Variants in GABBR2 observed in about 807,000 individuals in gnomAD.
GABBR2 encodes gamma-aminobutyric acid type B receptor subunit 2.
In GABBR2, 23 loss-of-function variants were observed where a neutral mutation model predicts 105.6. The ratio of observed to expected loss-of-function variants is 0.22; its 90% CI spans 0.16 to 0.31. GABBR2 has a LOEUF of 0.31. Ranked by LOEUF, GABBR2 falls within the 10% of genes least tolerant of loss-of-function variation. The pLI is 1.00. For synonymous variants in GABBR2, 478 were observed against 499.7 expected, an observed-to-expected ratio of 0.96 and a Z score of 0.58; for missense variants, 734 against 1,245.5, an observed-to-expected ratio of 0.59 and a Z score of 6.18.
At chr9:98,312,376 C>T (rs1830649364) in intron 13 of GABBR2, among the ~76,000 whole-genome samples, 1 of 152,164 alleles carries the variant, frequency 6.6e-6, no homozygotes, top group Non-Finnish European at 1.5e-5. Context: ...TTGGATTAGC[C>T]TGAATGTTTT....
intron 2 of GABBR2, among the ~76,000 whole-genome samples, chr9:98,555,303 A>G (rs1382566517): frequency 6.6e-6 from 1 of 152,260 alleles, no homozygotes; most frequent in Non-Finnish European, 1.5e-5. Context: ...GGATTTGCTC[A>G]AACTCAAGTG....
At chr9:98,582,320 C>T (rs375318453) in intron 1 of GABBR2, among the ~76,000 whole-genome samples, 56 of 152,138 alleles carry the variant, frequency 3.7e-4, no homozygotes, top group African/African-American at 1.3e-3. Flanking sequence ...AAGAGGTCCA[C>T]GTGTCAAGAA....
At chr9:98,291,880 C>A (rs1830308230) in intron 18 of GABBR2, among the ~76,000 whole-genome samples, 1 of 152,204 alleles carries the variant, frequency 6.6e-6, no homozygotes, top group African/African-American at 2.4e-5. Flanking sequence ...CTAAGCAGAA[C>A]CCTAGGTAAA....
rs57747633 is a variant in GABBR2 at position 98,465,121 on chromosome 9, T to TAAAAAAAAAAAAAAAAAAAAA, written c.999+8004_999+8024dup. On this transcript the variant is annotated intron_variant, in intron 6 of 18. Transcript: ENST00000259455. Reference sequence around the variant, plus strand: ...ACACCCAAGAATGATCAATAAATACTAAAAAAAAAAAAAAAAAAAAAAAAA... The same window carrying TAAAAAAAAAAAAAAAAAAAAA: ...ACACCCAAGAATGATCAATAAATACTAAAAAAAAAAAAAAAAAAAAAAAAAAAAAAAAAAAAAAAAAAAAAA... 2.1e-3 allele frequency among the ~76,000 whole-genome samples: 47 copies of TAAAAAAAAAAAAAAAAAAAAA among 22,006 alleles called. 1 individual carries two copies. Among genetic ancestry groups the TAAAAAAAAAAAAAAAAAAAAA allele is most frequent in the South Asian group, 5.8e-3 (2 of 344 alleles). The allele number at this position is 22,006 out of a possible 152,430, so 14.4% of individuals were successfully genotyped here.
intron 12 of GABBR2, 140 bp downstream of exon 12, chr9:98,371,324 G>A: frequency 1.6e-6 from 1 of 618,196 alleles, no homozygotes; most frequent in African/African-American, 1.8e-5. Flanking sequence ...TCCCCAGTAG[G>A]GTGAAGGTGG....
intron 8 of GABBR2, among the ~76,000 whole-genome samples, chr9:98,395,086 C>T (rs376156797): frequency 8.1e-4 from 124 of 152,196 alleles, no homozygotes; most frequent in Non-Finnish European, 1.5e-3. Context: ...TTTTGGTCAT[C>T]GTCAAGGATA....
intron 1 of GABBR2, among the ~76,000 whole-genome samples, chr9:98,645,429 TAGA>T (rs1308158880): frequency 2.0e-5 from 3 of 152,164 alleles, no homozygotes; most frequent in Non-Finnish European, 4.4e-5. Flanking sequence ...GGAAAGAAGC[TAGA>T]AGAAGGGTGT....
At chr9:98,299,460 G>C in intron 16 of GABBR2, 107 bp from the exon 17 acceptor site, 1 of 1,179,444 alleles carries the variant, frequency 8.5e-7, no homozygotes, top group Non-Finnish European at 1.2e-6. Context: ...CCTGTATTCA[G>C]GAGTGCCCTG....
rs1230831001 is a variant in GABBR2 at position 98,605,437 on chromosome 9, G to T, written c.322-27365C>A. On this transcript the variant is annotated intron_variant, in intron 1 of 18. Transcript: ENST00000259455. Reference sequence around the variant, plus strand: ...GCTTGCATCTGTATCTCAGGCTACGGACTCTCACCTGCCTTACAGAGCTAC... The same window carrying T: ...GCTTGCATCTGTATCTCAGGCTACGTACTCTCACCTGCCTTACAGAGCTAC... 3.3e-5 allele frequency among the ~76,000 whole-genome samples: 5 copies of T among 152,320 alleles called. No homozygotes were observed. In the East Asian group the frequency reaches 9.7e-4, roughly 29 times the overall value.
chr9:98,439,887 C>T (rs947130523), intron 7 of GABBR2, among the ~76,000 whole-genome samples: 3 of 148,458 alleles, frequency 2.0e-5, no homozygotes, highest in Non-Finnish European at 3.0e-5. Context: ...CCTCTTTAAT[C>T]CTCACAGCCC....
At chr9:98,371,990 T>C (rs1000169631) in intron 11 of GABBR2, among the ~76,000 whole-genome samples, 1 of 152,202 alleles carries the variant, frequency 6.6e-6, no homozygotes, top group Non-Finnish European at 1.5e-5. Context: ...TGGCTACTAC[T>C]GTCCAGTGTC....
intron 13 of GABBR2, among the ~76,000 whole-genome samples, chr9:98,325,645 T>A (rs1198723385): frequency 2.0e-5 from 3 of 152,156 alleles, no homozygotes; most frequent in African/African-American, 7.2e-5. Context: ...GAGCCAACTA[T>A]AGGTTTCCAA....
intron 16 of GABBR2, among the ~76,000 whole-genome samples, chr9:98,302,064 A>C (rs1830478061): frequency 6.6e-6 from 1 of 152,220 alleles, no homozygotes; most frequent in African/African-American, 2.4e-5. Flanking sequence ...ACTTTTACTG[A>C]AAATATGATT....
chr9:98,480,815 G>T (rs1826904834), intron 5 of GABBR2, 117 bp downstream of exon 5: 1 of 714,312 alleles, frequency 1.4e-6, no homozygotes, highest in African/African-American at 1.7e-5. Flanking sequence ...TCTGCTTCCA[G>T]GAACCCAGGC....
intron 6 of GABBR2, among the ~76,000 whole-genome samples, chr9:98,463,710 G>A (rs1564079177): frequency 6.6e-6 from 1 of 151,786 alleles, no homozygotes; most frequent in Non-Finnish European, 1.5e-5. Context: ...ATCTCGGCTC[G>A]CTGCAACCTC....
intron 3 of GABBR2, among the ~76,000 whole-genome samples, chr9:98,532,288 A>C (rs1828081486): frequency 6.6e-6 from 1 of 152,220 alleles, no homozygotes; most frequent in South Asian, 2.1e-4. Flanking sequence ...GCTGACCCAC[A>C]GGCCTGGCCC....
intron 1 of GABBR2, among the ~76,000 whole-genome samples, chr9:98,595,114 C>T (rs1009699094): frequency 3.3e-5 from 5 of 152,110 alleles, no homozygotes; most frequent in Non-Finnish European, 4.4e-5. Flanking sequence ...TATTTCCCAC[C>T]GTTCTGGAGG....
At chr9:98,588,562 A>G (rs967289897) in intron 1 of GABBR2, among the ~76,000 whole-genome samples, 5 of 152,228 alleles carry the variant, frequency 3.3e-5, no homozygotes, top group Non-Finnish European at 7.3e-5. Context: ...TATTATCCAC[A>G]TTTTAATAGA....
At chr9:98,331,396 CTTTTTTTTTTT>C in intron 13 of GABBR2, among the ~76,000 whole-genome samples, 1 of 75,992 alleles carries the variant, frequency 1.3e-5, no homozygotes, top group African/African-American at 5.5e-5. Context: ...AGTCCCTCTT[CTTTTTTTTTTT>C]TTTTTTTTTT....
Sources: gnomAD v4.1 joint callset for allele counts (sites outside exome capture counted in the v4.1 genomes callset) on GRCh38, gnomAD v4.1.1 for gene constraint, MANE v1.5 for transcripts, NCBI Gene and HGNC (gene_info 2026-07-23, HGNC 2026-07-21) for gene names.